The following SSH2 variants were observed in gnomAD, a reference collection of about 807,000 sequenced individuals.
SSH2 encodes slingshot protein phosphatase 2, also known as protein phosphatase Slingshot homolog 2.
In SSH2, 37 loss-of-function variants were observed where a neutral mutation model predicts 135.2. The ratio of observed to expected loss-of-function variants is 0.27; its 90% confidence interval spans 0.21 to 0.36. The LOEUF is 0.36. Ranked by LOEUF, SSH2 falls within the 10% of genes least tolerant of loss-of-function variation. The pLI, the probability that SSH2 is intolerant of heterozygous loss-of-function variation, is 1.00. For synonymous variants in SSH2, 628 were observed against 646.2 expected, an observed-to-expected ratio of 0.97 and a Z score of 0.43; for missense variants, 1,408 against 1,765.3, an observed-to-expected ratio of 0.80 and a Z score of 3.63.
intron 1 of SSH2, among the ~76,000 whole-genome samples, chr17:29,864,639 CT>C (rs967931814): frequency 3.1e-5 from 4 of 127,078 alleles, no homozygotes; most frequent in Non-Finnish European, 5.1e-5. Context: ...AATCTGAATA[CT>C]TACTAAAAAA....
At position 29,686,384 on chromosome 17, in the gene SSH2, C is replaced by T. The variant is rs529990061; in HGVS notation, c.358-1700G>A. The stretch of plus-strand genomic sequence containing the variant: ...TGACAGTTTTTTTTTTTTTAAGAGA[C>T]GGAGTCTTGCTCTGCCTCTCAGGCT... On this transcript the variant is annotated intron_variant, in intron 5 of 15. Coordinates refer to ENST00000540801, the MANE Select transcript of SSH2 (RefSeq NM_001282129.2). 2.1e-4 allele frequency among the ~76,000 whole-genome samples: 32 copies of T among 150,344 alleles called. 1 individual carries two copies. Among genetic ancestry groups the T allele is most frequent in the South Asian group, 1.1e-3 (5 of 4,748 alleles).
intron 2 of SSH2, among the ~76,000 whole-genome samples, chr17:29,832,892 C>A (rs2042872830): frequency 6.6e-6 from 1 of 152,106 alleles, no homozygotes; most frequent in South Asian, 2.1e-4. Flanking sequence ...GTCTTGAACT[C>A]CTGGCCTCAG....
At chr17:29,666,336 T>C (rs370834364) in intron 11 of SSH2, among the ~76,000 whole-genome samples, 1 of 152,006 alleles carries the variant, frequency 6.6e-6, no homozygotes, top group African/African-American at 2.4e-5. Context: ...ACTGTGCTAC[T>C]ACACTCCAGG....
intron 1 of SSH2, among the ~76,000 whole-genome samples, chr17:29,909,072 G>A (rs532537151): frequency 4.6e-5 from 7 of 151,710 alleles, no homozygotes; most frequent in African/African-American, 9.7e-5. Flanking sequence ...GCAAGACTCC[G>A]TCTCAAAGGA....
intron 1 of SSH2, among the ~76,000 whole-genome samples, chr17:29,853,970 A>G (rs2065614637): frequency 6.6e-6 from 1 of 151,672 alleles, no homozygotes; most frequent in Non-Finnish European, 1.5e-5. Context: ...TAAAAAAAGC[A>G]CTTAGAATAA....
At chr17:29,817,777 G>A (rs1241935217) in intron 2 of SSH2, among the ~76,000 whole-genome samples, 1 of 152,026 alleles carries the variant, frequency 6.6e-6, no homozygotes, top group African/African-American at 2.4e-5. Flanking sequence ...ATTTATTTGA[G>A]TAGGGGTCTC....
chr17:29,717,553 A>G (rs1395099425), intron 3 of SSH2, among the ~76,000 whole-genome samples: 1 of 152,260 alleles, frequency 6.6e-6, no homozygotes, highest in Non-Finnish European at 1.5e-5. Flanking sequence ...CATTTTAGAC[A>G]TGAGATGGTG....
At chr17:29,661,077 A>AG (rs1298029322) in intron 11 of SSH2, among the ~76,000 whole-genome samples, 3 of 151,658 alleles carry the variant, frequency 2.0e-5, no homozygotes, top group African/African-American at 7.3e-5. Context: ...AAAAAAAAAA[A>AG]AAAAAGAAAA....
chr17:29,848,009 A>C (rs566438748), intron 2 of SSH2, among the ~76,000 whole-genome samples: 1 of 152,316 alleles, frequency 6.6e-6, no homozygotes, highest in African/African-American at 2.4e-5. Flanking sequence ...GCTGTTCCAC[A>C]AGGAGCAGTA....
At position 29,626,282 on chromosome 17, in the gene SSH2, GAAA is replaced by G. The variant is rs111277103; in HGVS notation, c.*4556_*4558del. On this transcript the variant is annotated 3_prime_UTR_variant, in exon 16 of 16. Transcript: ENST00000540801. The stretch of plus-strand genomic sequence containing the variant: ...CAAGTCCTACAAAACAAAGCAGAAA[GAAA>G]AAAAAAAAAAAAGAAAAGTAAAGGC... The G allele has an allele frequency of 3.3e-5, 3 of 91,718 alleles. No homozygotes were observed. Among genetic ancestry groups the G allele is most frequent in the Non-Finnish European group, 4.7e-5 (2 of 42,374 alleles). The allele number at this position is 91,718 out of a possible 1,614,324, so 5.7% of individuals were successfully genotyped here. A position where few individuals can be genotyped will look rare whatever the true frequency, so the allele number is the denominator to read the frequency against.
At chr17:29,861,282 G>A (rs1332650519) in intron 1 of SSH2, among the ~76,000 whole-genome samples, 1 of 152,054 alleles carries the variant, frequency 6.6e-6, no homozygotes, top group Non-Finnish European at 1.5e-5. Flanking sequence ...TGGCATCTGT[G>A]TCATAAAATC....
chr17:29,908,902 C>T (rs2066710897), intron 1 of SSH2, among the ~76,000 whole-genome samples: 1 of 151,278 alleles, frequency 6.6e-6, no homozygotes, highest in Non-Finnish European at 1.5e-5. Flanking sequence ...CACGGTGAAA[C>T]CCCATCTCTA....
intron 8 of SSH2, among the ~76,000 whole-genome samples, chr17:29,673,696 T>C (rs1252626897): frequency 2.0e-5 from 3 of 152,184 alleles, no homozygotes; most frequent in Non-Finnish European, 2.9e-5. Flanking sequence ...AAATAACCAC[T>C]GTTAAGATTT....
At chr17:29,871,534 G>A (rs1027059893) in intron 1 of SSH2, among the ~76,000 whole-genome samples, 2 of 152,116 alleles carry the variant, frequency 1.3e-5, no homozygotes, top group African/African-American at 4.8e-5. Context: ...TTTCATGTCA[G>A]TGTGGAATAA....
intron 3 of SSH2, among the ~76,000 whole-genome samples, chr17:29,709,378 T>G (rs28703748): frequency 0.061 from 9,216 of 152,214 alleles, 891 homozygotes; most frequent in African/African-American, 0.2. Context: ...GAATAGAATT[T>G]AAAAGTAGAG....
rs980115576 is a variant in SSH2, at chr17:29,760,038, G to A, written c.188+33856C>T. 2.6e-5 allele frequency among the ~76,000 whole-genome samples: 4 copies of A among 151,868 alleles called. No homozygotes were observed. The East Asian group carries it at 7.7e-4, about 29-fold the overall frequency. On this transcript the variant is annotated intron_variant, in intron 3 of 15. Coordinates refer to ENST00000540801, the MANE Select transcript of SSH2 (RefSeq NM_001282129.2). ...TTGTGACTTTTTTTCTATTTTTTTA[G>A]AAGCTCCACCATGAATCAACACACG... is the stretch of plus-strand genomic sequence containing the variant.
At chr17:29,633,377 G>A (rs2035770346) in intron 15 of SSH2, among the ~76,000 whole-genome samples, 1 of 152,138 alleles carries the variant, frequency 6.6e-6, no homozygotes, top group South Asian at 2.1e-4. Context: ...TCCATTTAAG[G>A]GCTAAGATAT....
chr17:29,747,314 C>T (rs1478245981), intron 3 of SSH2, among the ~76,000 whole-genome samples: 6 of 152,198 alleles, frequency 3.9e-5, no homozygotes, highest in African/African-American at 1.2e-4. Context: ...TGAGGCTTCT[C>T]TTTATTTAGG....
At chr17:29,731,247 A>G (rs1361569847) in intron 3 of SSH2, among the ~76,000 whole-genome samples, 1 of 152,156 alleles carries the variant, frequency 6.6e-6, no homozygotes, top group African/African-American at 2.4e-5. Context: ...ATGTGGTGAG[A>G]TAATCCAGAT....
Sources: gnomAD v4.1 joint callset for allele counts (sites outside exome capture counted in the v4.1 genomes callset) on GRCh38, gnomAD v4.1.1 for gene constraint, MANE v1.5 for transcripts, NCBI Gene and HGNC (gene_info 2026-07-23, HGNC 2026-07-21) for gene names.